UTRN: variants seen among roughly 807,000 people sequenced by gnomAD.
The protein encoded by UTRN is utrophin.
In UTRN, 283 loss-of-function variants were observed where a neutral mutation model predicts 463.9. The ratio of observed to expected loss-of-function variants is 0.61; its 90% CI spans 0.55 to 0.67. UTRN has a LOEUF of 0.67. Among genes scored for constraint, UTRN ranks in the 30% least tolerant of loss-of-function variants. The pLI is 0.00. For synonymous variants in UTRN, 1,442 were observed against 1,431.5 expected (o/e 1.01, Z -0.17); for missense variants, 3,922 against 4,084.3 (o/e 0.96, Z 1.08).
At chr6:144,401,137 TTG>T (rs1326739716) in intron 2 of UTRN, among the ~76,000 whole-genome samples, 2 of 152,228 alleles carry the variant, frequency 1.3e-5, no homozygotes, top group African/African-American at 4.8e-5. Flanking sequence ...AATTCTTAAG[TTG>T]TGTGAATGTT....
chr6:144,625,763 A>G (rs1023869106), intron 51 of UTRN, among the ~76,000 whole-genome samples: 8 of 152,252 alleles, frequency 5.3e-5, no homozygotes, highest in African/African-American at 1.9e-4. Context: ...AAGTAAACCT[A>G]AAGCACAGCC....
chr6:144,702,858 C>T (rs549904519), intron 53 of UTRN, among the ~76,000 whole-genome samples: 44 of 152,038 alleles, frequency 2.9e-4, no homozygotes, highest in African/African-American at 9.6e-4. Flanking sequence ...GCTGGGGTGG[C>T]GGGTGGGAGA....
chr6:144,589,738 T>C (rs1183832989), intron 51 of UTRN, among the ~76,000 whole-genome samples: 1 of 152,214 alleles, frequency 6.6e-6, no homozygotes, highest in Admixed American at 6.5e-5. Flanking sequence ...TCCATGTTCC[T>C]TTAAAACATG....
At chr6:144,748,547 A>G in intron 55 of UTRN, 33 bp downstream of exon 55, 1 of 1,592,772 alleles carries the variant, frequency 6.3e-7, no homozygotes, top group South Asian at 1.1e-5. Flanking sequence ...GATTTTTAAG[A>G]AATGTTTTCT....
chr6:144,600,056 C>G (rs1345854145), intron 51 of UTRN, among the ~76,000 whole-genome samples: 2 of 152,136 alleles, frequency 1.3e-5, no homozygotes, highest in Non-Finnish European at 2.9e-5. Context: ...CACCTCAAGC[C>G]ACACCCATAT....
chr6:144,316,194 C>CA (rs898107355), intron 2 of UTRN, among the ~76,000 whole-genome samples: 2 of 151,944 alleles, frequency 1.3e-5, no homozygotes, highest in African/African-American at 2.4e-5. Flanking sequence ...TGCAAGAAAA[C>CA]AAAAAAAGTC....
intron 2 of UTRN, among the ~76,000 whole-genome samples, chr6:144,321,519 G>T (rs1350450585): frequency 6.8e-6 from 1 of 147,382 alleles, no homozygotes; most frequent in Non-Finnish European, 1.5e-5. Context: ...ATCCAGGCTG[G>T]AGTGCAGTGG....
At chr6:144,796,470 C>T (rs1298833671) in intron 63 of UTRN, among the ~76,000 whole-genome samples, 1 of 152,016 alleles carries the variant, frequency 6.6e-6, no homozygotes, top group African/African-American at 2.4e-5. Flanking sequence ...ATTAAAATGT[C>T]CTGAGTTCTT....
At chr6:144,348,526 A>G (rs1187478432) in intron 2 of UTRN, among the ~76,000 whole-genome samples, 1 of 152,242 alleles carries the variant, frequency 6.6e-6, no homozygotes, top group Non-Finnish European at 1.5e-5. Context: ...GCAGATCTTA[A>G]TAATTATAGA....
At position 144,440,455 on chromosome 6, in the gene UTRN, T is replaced by C. The variant is rs1009140810; in HGVS notation, c.1496T>C (p.Leu499Pro). 1.2e-6 allele frequency: 2 copies of C among 1,614,076 alleles called. No homozygotes were observed. The highest frequency in any genetic ancestry group is 1.7e-5 in the Admixed American group (1 of 60,008). ...ENSGESATAI[L>P]EDQLQKLGER... The stretch of plus-strand genomic sequence containing the variant: ...AGTGGTGAGAGTGCTACAGCTATCC[T>C]AGAAGACCAGTTACAGGTAAGAGTG... Residue 499 changes from leucine to proline, a missense_variant, in exon 13 of 75, where the codon CTA becomes CCA. Physicochemically the swap from Leu to Pro is moderately conservative, Grantham distance 98. This residue lies in a region of UTRN where 2,349 missense variants were observed against 2,303.8 expected (regional missense o/e 1.02). Coordinates refer to ENST00000367545, the MANE Select transcript of UTRN (RefSeq NM_007124.3).
At chr6:144,588,710 T>A (rs996799344) in intron 51 of UTRN, among the ~76,000 whole-genome samples, 6 of 152,358 alleles carry the variant, frequency 3.9e-5, no homozygotes, top group African/African-American at 1.4e-4. Context: ...CTGTAGGTAC[T>A]GCTAGATTTT....
chr6:144,817,138 T>C (rs961149451), intron 65 of UTRN, among the ~76,000 whole-genome samples: 4 of 152,162 alleles, frequency 2.6e-5, no homozygotes, highest in African/African-American at 9.7e-5. Flanking sequence ...AAAGGCTTAG[T>C]GTGAGTTTAC....
chr6:144,700,768 C>G (rs1001766896), intron 53 of UTRN, among the ~76,000 whole-genome samples: 1 of 150,340 alleles, frequency 6.7e-6, no homozygotes, highest in Non-Finnish European at 1.5e-5. Context: ...GAGTCTTGCT[C>G]TGTCACCCAG....
At chr6:144,462,926 T>A (rs968622417) in intron 23 of UTRN, 60 bp downstream of exon 23, 21 of 1,283,814 alleles carry the variant, frequency 1.6e-5, no homozygotes, top group African/African-American at 3.0e-5. Context: ...AATTATCTTA[T>A]AAGATTCACG....
chr6:144,753,736 A>T (rs1212604959), intron 56 of UTRN, among the ~76,000 whole-genome samples: 1 of 151,424 alleles, frequency 6.6e-6, no homozygotes, highest in Non-Finnish European at 1.5e-5. Context: ...GCATGATTGC[A>T]CATGCGTGTA....
chr6:144,636,885 A>G (rs1259386424), intron 51 of UTRN, among the ~76,000 whole-genome samples: 1 of 152,216 alleles, frequency 6.6e-6, no homozygotes, highest in Non-Finnish European at 1.5e-5. Context: ...ACAAACTGTA[A>G]CAGAGTAGCC....
intron 51 of UTRN, among the ~76,000 whole-genome samples, chr6:144,632,622 A>G (rs1776644677): frequency 6.6e-6 from 1 of 152,184 alleles, no homozygotes; most frequent in Admixed American, 6.5e-5. Context: ...GGTCTTATTT[A>G]ATTTTTACAT....
intron 2 of UTRN, among the ~76,000 whole-genome samples, chr6:144,344,675 G>A (rs146005206): frequency 5.3e-5 from 8 of 152,332 alleles, no homozygotes; most frequent in Non-Finnish European, 1.2e-4. Flanking sequence ...CCTTTGTGGT[G>A]TTGAGTATTG....
chr6:144,800,401 G>A (rs1248205378), intron 64 of UTRN, among the ~76,000 whole-genome samples: 7 of 152,138 alleles, frequency 4.6e-5, no homozygotes, highest in Non-Finnish European at 8.8e-5. Context: ...AATTTCAAGG[G>A]TTTAAGTTTC....
Sources: allele counts gnomAD v4.1 joint callset (sites outside exome capture counted in the v4.1 genomes callset), GRCh38; gene constraint gnomAD v4.1.1; regional missense constraint gnomAD v4.1.1; transcripts MANE v1.5; gene names NCBI Gene and HGNC (gene_info 2026-07-23, HGNC 2026-07-21).